SOX5: variants seen among roughly 807,000 people sequenced by gnomAD.
The protein encoded by SOX5 is transcription factor SOX-5.
In SOX5, 9 loss-of-function variants were observed where a neutral mutation model predicts 92.0. That is an observed-to-expected ratio of 0.10 (90% confidence interval 0.06 to 0.17). The LOEUF is 0.17. Among genes scored for constraint, SOX5 ranks in the 10% least tolerant of loss-of-function variants. The pLI is 1.00. For synonymous variants in SOX5, 344 were observed against 336.3 expected (o/e 1.02, Z -0.25); for missense variants, 642 against 944.5 (o/e 0.68, Z 4.20).
chr12:23,881,780 G>A (rs1161315650), intron 2 of SOX5, among the ~76,000 whole-genome samples: 3 of 152,078 alleles, frequency 2.0e-5, no homozygotes, highest in Non-Finnish European at 4.4e-5. Flanking sequence ...AGTGTTATAA[G>A]CATAAAAATG....
intron 2 of SOX5, among the ~76,000 whole-genome samples, chr12:23,883,740 G>A (rs1568609821): frequency 6.6e-6 from 1 of 152,160 alleles, no homozygotes; most frequent in Non-Finnish European, 1.5e-5. Flanking sequence ...ACAAAATGTG[G>A]TTTTTGACTT....
chr12:24,104,862 G>A (rs1279841284), intron 4 of SOX5, among the ~76,000 whole-genome samples: 1 of 152,186 alleles, frequency 6.6e-6, no homozygotes, highest in Non-Finnish European at 1.5e-5. Context: ...CAAACAATTT[G>A]GAACCTTGAT....
chr12:24,004,151 CA>C (rs776573447), intron 4 of SOX5, among the ~76,000 whole-genome samples: 1 of 150,158 alleles, frequency 6.7e-6, no homozygotes, highest in Non-Finnish European at 1.5e-5. Context: ...AAAAGATGCT[CA>C]AAATTGATCA....
chr12:24,405,595 G>A (rs1962756284), intron 1 of SOX5, among the ~76,000 whole-genome samples: 1 of 152,184 alleles, frequency 6.6e-6, no homozygotes, highest in South Asian at 2.1e-4. Context: ...GTTAAGGCAT[G>A]TGTGTACATC....
chr12:24,095,126 C>CAGAGAGAGAGAGAGAG (rs1469520600), intron 4 of SOX5, among the ~76,000 whole-genome samples: 91 of 90,166 alleles, frequency 1.0e-3, no homozygotes, highest in African/African-American at 3.4e-3. Context: ...CACACACACA[C>CAGAGAGAGAGAGAGAG]ACAGAGAGAG....
At chr12:23,707,977 C>T (rs1315653691) in intron 6 of SOX5, among the ~76,000 whole-genome samples, 1 of 152,020 alleles carries the variant, frequency 6.6e-6, no homozygotes, top group East Asian at 1.9e-4. Flanking sequence ...GCAATTAACA[C>T]ACTTCTCGTA....
chr12:23,901,546 G>A (rs1408860663), intron 1 of SOX5, among the ~76,000 whole-genome samples: 1 of 152,084 alleles, frequency 6.6e-6, no homozygotes, highest in Non-Finnish European at 1.5e-5. Context: ...TTAGTTTTCT[G>A]CTCAAACGTT....
chr12:23,903,869 T>A (rs903199599), intron 1 of SOX5, among the ~76,000 whole-genome samples: 5 of 152,200 alleles, frequency 3.3e-5, no homozygotes, highest in Non-Finnish European at 7.3e-5. Context: ...ATGTTACTTA[T>A]CCAATATGGC....
At chr12:24,375,383 G>A (rs1279086129) in intron 1 of SOX5, among the ~76,000 whole-genome samples, 1 of 152,132 alleles carries the variant, frequency 6.6e-6, no homozygotes, top group East Asian at 1.9e-4. Flanking sequence ...ATTTGACACA[G>A]CTATTTTGTG....
intron 9 of SOX5, among the ~76,000 whole-genome samples, chr12:23,597,664 GT>G (rs1453185110): frequency 2.0e-5 from 3 of 152,320 alleles, no homozygotes; most frequent in African/African-American, 7.2e-5. Flanking sequence ...TGCATTTGCA[GT>G]TTAACTCTAT....
chr12:23,950,081 T>A (rs531065865), upstream of SOX5, among the ~76,000 whole-genome samples: 2 of 151,880 alleles, frequency 1.3e-5, no homozygotes, highest in South Asian at 2.1e-4. Flanking sequence ...AGTATGATTT[T>A]GTAAAACGTA....
intron 1 of SOX5, among the ~76,000 whole-genome samples, chr12:23,949,137 C>T (rs1345105408): frequency 1.3e-5 from 2 of 152,084 alleles, no homozygotes; most frequent in East Asian, 3.9e-4. Context: ...CCGTTTAAAG[C>T]ACCACTAAAA....
At chr12:23,724,662 GT>G (rs2093017211) in intron 6 of SOX5, among the ~76,000 whole-genome samples, 1 of 152,148 alleles carries the variant, frequency 6.6e-6, no homozygotes. Flanking sequence ...TCCCTAGAAA[GT>G]TTTGGGATTA....
At chr12:24,034,835 T>C (rs769513423) in intron 4 of SOX5, among the ~76,000 whole-genome samples, 4 of 152,108 alleles carry the variant, frequency 2.6e-5, no homozygotes, top group South Asian at 2.1e-4. Context: ...CGGAAGCAAA[T>C]GTACTGTATA....
chr12:24,258,352 A>C (rs1038997449), intron 3 of SOX5, among the ~76,000 whole-genome samples: 1 of 152,228 alleles, frequency 6.6e-6, no homozygotes, highest in Non-Finnish European at 1.5e-5. Flanking sequence ...GAAAAATGGG[A>C]ATTATTGTTA....
intron 1 of SOX5, among the ~76,000 whole-genome samples, chr12:24,500,515 C>G (rs1031158502): frequency 6.6e-6 from 1 of 152,108 alleles, no homozygotes; most frequent in Non-Finnish European, 1.5e-5. Context: ...AAAAAACACA[C>G]CCCAAAAGAG....
At chr12:23,719,788 CAA>C (rs33914230) in intron 6 of SOX5, among the ~76,000 whole-genome samples, 3 of 64,156 alleles carry the variant, frequency 4.7e-5, no homozygotes, top group East Asian at 5.6e-4. Context: ...AGCTATTTAC[CAA>C]AAAAAAAAAA....
At chr12:23,951,760 T>C (rs1341506578), upstream of SOX5, among the ~76,000 whole-genome samples, 1 of 152,148 alleles carries the variant, frequency 6.6e-6, no homozygotes, top group Non-Finnish European at 1.5e-5. Flanking sequence ...GAAAAAGCTG[T>C]TAACAAGGGA....
At chr12:23,887,911 GTGTATA>G (rs1182684326) in intron 2 of SOX5, among the ~76,000 whole-genome samples, 9 of 124,722 alleles carry the variant, frequency 7.2e-5, no homozygotes, top group African/African-American at 2.3e-4. Context: ...TTGGTCCAGT[GTGTATA>G]TGTGTGTGTG....
Sources: gnomAD v4.1 joint callset for allele counts (sites outside exome capture counted in the v4.1 genomes callset) on GRCh38, gnomAD v4.1.1 for gene constraint, MANE v1.5 for transcripts, NCBI Gene and HGNC (gene_info 2026-07-23, HGNC 2026-07-21) for gene names.